ENOX2: variants seen among roughly 807,000 people sequenced by gnomAD.
ENOX2 encodes the protein ecto-NOX disulfide-thiol exchanger 2, also known as APK1 antigen.
In ENOX2, 36 loss-of-function variants were observed where a neutral mutation model predicts 45.0. The observed-to-expected ratio is 0.80, with a 90% confidence interval of 0.61 to 1.06. The LOEUF is 1.06. Among genes scored for constraint, ENOX2 ranks in the 50% least tolerant of loss-of-function variants. The pLI, the probability that ENOX2 is intolerant of heterozygous loss-of-function variation, is 0.00. For synonymous variants in ENOX2, 174 were observed against 152.3 expected, an observed-to-expected ratio of 1.14 and a Z score of -1.05; for missense variants, 423 against 462.5, an observed-to-expected ratio of 0.91 and a Z score of 0.78.
intron 10 of ENOX2, among the ~76,000 whole-genome samples, chrX:130,654,438 A>AG (rs2036489088): frequency 9.6e-6 from 1 of 104,586 alleles, no homozygotes; most frequent in African/African-American, 3.8e-5. Context: ...GCATGGACAG[A>AG]GGGAAAAAAA....
At chrX:130,645,762 CG>C (rs2036216260) in intron 10 of ENOX2, 1 of 826,393 alleles carries the variant, frequency 1.2e-6, no homozygotes, top group Non-Finnish European at 1.8e-6. Context: ...CCGGCTTCTG[CG>C]GAAGAGGTGG....
At chrX:130,749,186 AAATGCCTACAG>A (rs751173637) in intron 3 of ENOX2, among the ~76,000 whole-genome samples, 4 of 112,063 alleles carry the variant, frequency 3.6e-5, no homozygotes, top group Non-Finnish European at 7.5e-5. Context: ...ATTTAAAGTG[AAATGCCTACAG>A]GAAGAAGAGA....
At chrX:130,676,225 G>A (rs1268945810) in intron 6 of ENOX2, among the ~76,000 whole-genome samples, 2 of 111,752 alleles carry the variant, frequency 1.8e-5, no homozygotes, top group African/African-American at 6.5e-5. Context: ...TGGGGTGGGT[G>A]CACTGTGCAC....
intron 3 of ENOX2, among the ~76,000 whole-genome samples, chrX:130,743,323 C>T (rs1423575893): frequency 1.8e-5 from 2 of 111,850 alleles, no homozygotes; most frequent in Admixed American, 1.9e-4. Flanking sequence ...ATTAGAAGCA[C>T]TAAGTGGATT....
At chrX:130,708,519 T>C (rs755174006) in intron 3 of ENOX2, among the ~76,000 whole-genome samples, 12 of 112,119 alleles carry the variant, frequency 1.1e-4, no homozygotes, top group Middle Eastern at 4.6e-3. Flanking sequence ...AAAGAGTACA[T>C]TTATTCTGTG....
rs866237062 is a variant in ENOX2, at chrX:130,623,224, T to G, written c.*2090A>C. The G allele has an allele frequency of 3.7e-4, 41 of 111,836 alleles. No individual in the cohort carries two copies. The highest frequency in any genetic ancestry group is 1.0e-3 in the African/African-American group (31 of 30,775). 9.2% of individuals were successfully genotyped at this position (111,836 alleles called of 1,213,427 possible). A position where few individuals can be genotyped will look rare whatever the true frequency, so the allele number is the denominator to read the frequency against. ...TCAAGCAAACTGGGAGGAGTATACC[T>G]ATACTAAACTGGCAGGAGTAACAGA... is the stretch of plus-strand genomic sequence containing the variant. On this transcript the variant is annotated 3_prime_UTR_variant, in exon 15 of 15. Coordinates refer to ENST00000394363, the MANE Select transcript of ENOX2 (RefSeq NM_006375.4).
intron 2 of ENOX2, among the ~76,000 whole-genome samples, chrX:130,815,836 C>T (rs996845811): frequency 2.7e-5 from 3 of 111,666 alleles, no homozygotes; most frequent in South Asian, 7.6e-4. Context: ...GACACTGCAT[C>T]AACTAATGGG....
rs763592269 is a variant in ENOX2 at position 130,633,481 on chromosome X, T to G, written c.1419+1503A>C. On this transcript the variant is annotated intron_variant, in intron 12 of 14. Coordinates refer to ENST00000394363, the MANE Select transcript of ENOX2 (RefSeq NM_006375.4). ...AAGAAAAAAACATATTTTGACTCACTGTTTTTTGGATTATCAGTTGGATCT... is the reference window on the plus strand; with the variant it reads ...AAGAAAAAAACATATTTTGACTCACGGTTTTTTGGATTATCAGTTGGATCT... 2.7e-5 allele frequency among the ~76,000 whole-genome samples: 3 copies of G among 112,722 alleles called. No individual in the cohort carries two copies. The East Asian group carries it at 8.4e-4, about 31-fold the overall frequency.
At chrX:130,790,994 T>C (rs148032045) in intron 2 of ENOX2, among the ~76,000 whole-genome samples, 1 of 112,311 alleles carries the variant, frequency 8.9e-6, no homozygotes, top group African/African-American at 3.2e-5. Context: ...TCAGGCTTTT[T>C]GTTTTTCCTT....
In ENOX2 at chrX:130,827,930, CTG is replaced by C. The variant is rs1253994336; in HGVS notation, c.-182-44242_-182-44241del. Among the ~76,000 whole-genome samples, 6 of 111,731 alleles carry C rather than the reference CTG, an allele frequency of 5.4e-5. No homozygotes were observed. The South Asian group carries it at 1.8e-3, about 34-fold the overall frequency. ...TCGGATTTATGTATTTATGCTCAAA[CTG>C]TTTCCATCCATGTTTCATTTATTCT... On this transcript the variant is annotated intron_variant, in intron 2 of 14. Transcript: ENST00000394363.
rs756176930 is a variant in ENOX2 at position 130,625,321 on chromosome X, A to G, written c.1739T>C (p.Leu580Pro). 7.4e-6 allele frequency: 9 copies of G among 1,208,929 alleles called. No homozygotes were observed. Residue 580 changes from leucine (L) to proline (P), a missense_variant, in exon 15 of 15, where the codon CTG becomes CCG. Transcript: ENST00000394363. ...WKFCGFEGLK[L>P]T ...GTTGTTAGGCAAAGAGATTTAGGTC[A>G]GCTTCAAGCCCTCGAAGCCACAGAA...
chrX:130,812,153 T>C (rs1338952638), intron 2 of ENOX2, among the ~76,000 whole-genome samples: 1 of 111,793 alleles, frequency 8.9e-6, no homozygotes, highest in African/African-American at 3.3e-5. Context: ...ATTGCTTAAA[T>C]AAAATAGTAG....
intron 4 of ENOX2, among the ~76,000 whole-genome samples, chrX:130,692,175 G>A (rs1466992184): frequency 4.4e-5 from 5 of 113,251 alleles, no homozygotes; most frequent in African/African-American, 1.6e-4. Flanking sequence ...CAAAGTGAAT[G>A]TGGATTTCCA....
chrX:130,850,447 T>C (rs4830203), intron 2 of ENOX2, among the ~76,000 whole-genome samples: 3,755 of 112,039 alleles, frequency 0.034, 70 homozygotes, highest in Non-Finnish European at 0.053. Flanking sequence ...ACTTTCCATA[T>C]TTTATAGAAT....
intron 9 of ENOX2, among the ~76,000 whole-genome samples, chrX:130,663,980 C>T (rs2036766849): frequency 9.0e-6 from 1 of 111,670 alleles, no homozygotes; most frequent in Non-Finnish European, 1.9e-5. Context: ...TGAAGGTGAA[C>T]AACATGAGGC....
chrX:130,902,587 G>A (rs1398102030), intron 1 of ENOX2, among the ~76,000 whole-genome samples: 1 of 109,684 alleles, frequency 9.1e-6, no homozygotes, highest in Non-Finnish European at 1.9e-5. Context: ...ATGCCCCAAA[G>A]AAAATGGGGA....
At chrX:130,719,941 T>C (rs2038432952) in intron 3 of ENOX2, among the ~76,000 whole-genome samples, 1 of 111,469 alleles carries the variant, frequency 9.0e-6, no homozygotes, top group African/African-American at 3.3e-5. Flanking sequence ...GGCAAAAGGG[T>C]AAAAATTAGA....
chrX:130,786,607 T>C lies in ENOX2; in HGVS notation c.-182-2917A>G, dbSNP rs1296648276. ...TGTGATGTTCCCCTTCCTGTGTTCATGTGATCTCATTGTTCAATTCCCACC... is the reference window on the plus strand; with the variant it reads ...TGTGATGTTCCCCTTCCTGTGTTCACGTGATCTCATTGTTCAATTCCCACC... On this transcript the variant is annotated intron_variant, in intron 2 of 14. Coordinates refer to ENST00000394363, the MANE Select transcript of ENOX2 (RefSeq NM_006375.4). 3.1e-3 allele frequency among the ~76,000 whole-genome samples: 287 copies of C among 92,271 alleles called. 2 individuals carry two copies. The highest frequency in any genetic ancestry group is 0.011 in the African/African-American group (279 of 25,089). The allele number at this position is 92,271 out of a possible 115,157, so 80.1% of individuals were successfully genotyped here.
intron 2 of ENOX2, among the ~76,000 whole-genome samples, chrX:130,872,196 T>C (rs890745665): frequency 3.6e-5 from 4 of 112,461 alleles, no homozygotes; most frequent in Non-Finnish European, 5.6e-5. Flanking sequence ...AAGTTTCTAT[T>C]TTCTTCAGCA....
Sources: allele counts gnomAD v4.1 joint callset (sites outside exome capture counted in the v4.1 genomes callset), GRCh38; gene constraint gnomAD v4.1.1; transcripts MANE v1.5; gene names NCBI Gene and HGNC (gene_info 2026-07-23, HGNC 2026-07-21).